NPY5R: variants seen among roughly 807,000 people sequenced by gnomAD.
NPY5R encodes neuropeptide Y receptor type 5.
NPY5R carries 21 observed loss-of-function variants against 24.8 expected under a neutral mutation model. That is an observed-to-expected ratio of 0.85 (90% CI 0.60 to 1.22). The LOEUF (loss-of-function observed/expected upper bound fraction) is 1.22, where lower values mean the gene tolerates loss of function less well. Ranked by LOEUF, NPY5R falls within the 50% of genes most tolerant of loss-of-function variation. The pLI, the probability that NPY5R is intolerant of heterozygous loss-of-function variation, is 0.00. For synonymous variants in NPY5R, 175 were observed against 183.0 expected, an observed-to-expected ratio of 0.96 and a Z score of 0.35; for missense variants, 481 against 521.3, an observed-to-expected ratio of 0.92 and a Z score of 0.75.
At chr4:163,345,022 C>T (rs1306031392) in intron 1 of NPY5R, 1 of 152,154 alleles carries the variant, frequency 6.6e-6, no homozygotes, top group African/African-American at 2.4e-5. Flanking sequence ...GCTGCTGTTC[C>T]ACGATCACAG....
rs1376821645 is a variant in NPY5R, at chr4:163,350,408, TG to T, written c.138del (p.Leu47SerfsTer5). The part of the protein sequence containing the change: ...SVDDLQYFLI[G>X]LYTFVSLLGF... ...TAGATGACTTACAGTATTTTCTGAT[TG>T]GGCTCTATACATTTGTAAGTCTTCT... On this transcript the variant is annotated frameshift_variant, in exon 4 of 4. Coordinates refer to ENST00000338566, the MANE Select transcript of NPY5R (RefSeq NM_006174.4). LOFTEE classifies it high-confidence loss of function. The T allele has an allele frequency of 6.2e-7, 1 of 1,614,000 alleles. No individual in the cohort carries two copies. The highest frequency in any genetic ancestry group is 1.7e-5 in the Admixed American group (1 of 60,022).
intron 3 of NPY5R, among the ~76,000 whole-genome samples, chr4:163,348,056 A>G (rs1735322891): frequency 6.6e-6 from 1 of 152,210 alleles, no homozygotes; most frequent in South Asian, 2.1e-4. Context: ...ACACAATAGT[A>G]TTTGCCATTT....
intron 2 of NPY5R, among the ~76,000 whole-genome samples, chr4:163,346,901 ATCTT>A (rs1735277342): frequency 6.6e-6 from 1 of 152,186 alleles, no homozygotes; most frequent in Non-Finnish European, 1.5e-5. Context: ...GTGCTAAACT[ATCTT>A]TATTGTCTGT....
Position 163,350,971 on chromosome 4 carries a change from G to A in NPY5R, c.698G>A (p.Ser233Asn), listed in dbSNP as rs775477312. The change falls in exon 4 of 4, where the codon AGT (serine) becomes AAT (asparagine). Residue 233 changes from serine (S) to asparagine (N), a missense_variant. By Grantham distance (46) the Ser-to-Asn change is conservative. Transcript: ENST00000338566. ...GTTTGTCTTACTGTAAGTCATACAA[G>A]TGTCTGCAGAAGTATAAGCTGTGGA... ...PLVCLTVSHT[S>N]VCRSISCGLS... The A allele has an allele frequency of 1.2e-6, 2 of 1,613,898 alleles. No individual in the cohort carries two copies. The highest frequency in any genetic ancestry group is 1.7e-5 in the Admixed American group (1 of 60,022).
At position 163,351,052 on chromosome 4, in the gene NPY5R, A is replaced by AT; in HGVS notation, c.780dup (p.Pro261SerfsTer16). Reference sequence around the variant, plus strand: ...AATGAGATGATCAACTTAACTCTTCATCCATCCAAAAAGAGTGGGCCTCAG... The same window carrying AT: ...AATGAGATGATCAACTTAACTCTTCATTCCATCCAAAAAGAGTGGGCCTCAG... On this transcript the variant is annotated frameshift_variant, in exon 4 of 4. Coordinates refer to ENST00000338566, the MANE Select transcript of NPY5R (RefSeq NM_006174.4). LOFTEE classifies it high-confidence loss of function. The AT allele has an allele frequency of 1.2e-6, 2 of 1,614,034 alleles. No homozygotes were observed. The highest frequency in any genetic ancestry group is 1.7e-6 in the Non-Finnish European group (2 of 1,179,888).
chr4:163,350,537 C>T lies in NPY5R; in HGVS notation c.264C>T (p.Ile88=), dbSNP rs779770681. The T allele has an allele frequency of 8.7e-6, 14 of 1,614,060 alleles. No individual in the cohort carries two copies. The highest frequency in any genetic ancestry group is 8.5e-7 in the Non-Finnish European group (1 of 1,180,036). ...TAGGCAATCTGGCCTTTTCTGATAT[C>T]TTGGTTGTGCTGTTTTGCTCACCTT... The part of the protein sequence containing the change: ...FLIGNLAFSD[I]LVVLFCSPFT... The change falls in exon 4 of 4, where the codon ATC becomes ATT. Residue 88 remains isoleucine (I), a synonymous_variant. Transcript: ENST00000338566.
intron 3 of NPY5R, among the ~76,000 whole-genome samples, chr4:163,348,571 G>A (rs758333998): frequency 2.0e-5 from 3 of 151,804 alleles, no homozygotes; most frequent in African/African-American, 4.8e-5. Flanking sequence ...CTTGAGTCCA[G>A]GCGTTCAAGG....
In NPY5R at chr4:163,351,003, A is replaced by G; in HGVS notation, c.730A>G (p.Asn244Asp). The G allele has an allele frequency of 6.2e-7, 1 of 1,614,132 alleles. No homozygotes were observed. Among genetic ancestry groups the G allele is most frequent in the Non-Finnish European group, 8.5e-7 (1 of 1,180,030 alleles). Residue 244 changes from asparagine to aspartate, a missense_variant, in exon 4 of 4, where the codon AAC becomes GAC. By Grantham distance (23) the Asn-to-Asp change is conservative. Transcript: ENST00000338566. ...VCRSISCGLS[N>D]KENRLEENEM... ...CAGAAGTATAAGCTGTGGATTGTCC[A>G]ACAAAGAAAACAGACTTGAAGAAAA...
At chr4:163,346,356 T>C (rs1008281291) in intron 2 of NPY5R, among the ~76,000 whole-genome samples, 9 of 152,200 alleles carry the variant, frequency 5.9e-5, no homozygotes, top group Non-Finnish European at 8.8e-5. Flanking sequence ...ATCTCAGCAA[T>C]CTACAGTTAC....
In NPY5R at chr4:163,350,488, A is replaced by C. The variant is rs1735445221; in HGVS notation, c.215A>C (p.Gln72Pro). Residue 72 changes from glutamine (Q) to proline (P), a missense_variant, in exon 4 of 4, where the codon CAG becomes CCG. Coordinates refer to ENST00000338566, the MANE Select transcript of NPY5R (RefSeq NM_006174.4). ...ATGGCTCTCATGAAAAAGCGTAATC[A>C]GAAGACTACGGTAAACTTCCTCATA... ...ILMALMKKRN[Q>P]KTTVNFLIGN... 2 of 1,614,170 alleles carry C rather than the reference A, an allele frequency of 1.2e-6. No homozygotes were observed. Among genetic ancestry groups the C allele is most frequent in the Non-Finnish European group, 1.7e-6 (2 of 1,180,002 alleles).
intron 3 of NPY5R, 67 bp from the exon 4 acceptor site, chr4:163,350,198 A>T (rs1375569640): frequency 3.0e-5 from 35 of 1,147,798 alleles, no homozygotes; most frequent in Non-Finnish European, 4.3e-5. Flanking sequence ...CCCTCTGAAT[A>T]GATTAATTTA....
intron 1 of NPY5R, chr4:163,344,933 A>G (rs1735163139): frequency 6.6e-6 from 1 of 152,204 alleles, no homozygotes; most frequent in African/African-American, 2.4e-5. Flanking sequence ...GCAGAGCTGT[A>G]TTTATCTTTC....
rs1275415009 is a variant in NPY5R at position 163,351,863 on chromosome 4, T to C, written c.*252T>C. The C allele has an allele frequency of 3.5e-6, 1 of 285,488 alleles. No individual in the cohort carries two copies. The highest frequency in any genetic ancestry group is 6.9e-6 in the Non-Finnish European group (1 of 145,748). 17.7% of individuals were successfully genotyped at this position (285,488 alleles called of 1,614,324 possible). ...TTTCACTTTAGAAGGTTGTATTACC[T>C]TCCACTTCCATGTTGTCTTATAAAC... On this transcript the variant is annotated 3_prime_UTR_variant, in exon 4 of 4. Transcript: ENST00000338566.
intron 3 of NPY5R, among the ~76,000 whole-genome samples, chr4:163,347,858 T>C (rs181284833): frequency 1.3e-5 from 2 of 152,348 alleles, no homozygotes; most frequent in African/African-American, 2.4e-5. Flanking sequence ...ATCCTAAGTC[T>C]TTGAATTAAC....
chr4:163,345,560 G>A (rs1735196669), intron 1 of NPY5R, 154 bp from the exon 2 acceptor site: 1 of 152,056 alleles, frequency 6.6e-6, no homozygotes, highest in African/African-American at 2.4e-5. Flanking sequence ...AATATTCCAT[G>A]TTAAAATATT....
chr4:163,350,701 T>G lies in NPY5R; in HGVS notation c.428T>G (p.Ile143Arg), dbSNP rs752411470. Residue 143 changes from isoleucine (I) to arginine (R), a missense_variant, in exon 4 of 4, where the codon ATA (isoleucine) becomes AGA (arginine). Ile to Arg is a moderately conservative substitution (Grantham distance 97). Transcript: ENST00000338566. ...ISIAIVRYHM[I>R]KHPISNNLTA... ...ATTGCCATTGTCAGGTATCATATGA[T>G]AAAACATCCCATATCTAATAATTTA... 6.2e-7 allele frequency: 1 copy of G among 1,613,886 alleles called. No individual in the cohort carries two copies. The highest frequency in any genetic ancestry group is 1.1e-5 in the South Asian group (1 of 91,082).
At chr4:163,348,909 A>G (rs1735365060) in intron 3 of NPY5R, among the ~76,000 whole-genome samples, 1 of 152,200 alleles carries the variant, frequency 6.6e-6, no homozygotes, top group Admixed American at 6.5e-5. Context: ...TTCCTTGAAC[A>G]ATGAATTCAT....
chr4:163,351,119 CA>C lies in NPY5R; in HGVS notation c.852del (p.Lys284AsnfsTer36). 3.1e-6 allele frequency: 5 copies of C among 1,614,002 alleles called. No individual in the cohort carries two copies. Among genetic ancestry groups the C allele is most frequent in the East Asian group, 2.2e-5 (1 of 44,870 alleles). On this transcript the variant is annotated frameshift_variant, in exon 4 of 4. Coordinates refer to ENST00000338566, the MANE Select transcript of NPY5R (RefSeq NM_006174.4). LOFTEE classifies it high-confidence loss of function. Reference protein sequence around the residue: ...GSHKWSYSFIKKHRRRYSKKT... With the variant: ...GSHKWSYSFIXKHRRRYSKKT... ...GCCATAAATGGAGTTATTCATTCAT[CA>C]AAAAACACAGAAGAAGATATAGCAA...
At position 163,351,453 on chromosome 4, in the gene NPY5R, A is replaced by G; in HGVS notation, c.1180A>G (p.Asn394Asp). Residue 394 changes from asparagine to aspartate, a missense_variant, in exon 4 of 4, where the codon AAT becomes GAT. Physicochemically the swap from Asn to Asp is conservative, Grantham distance 23. Transcript: ENST00000338566. ...LHLFHVVTDF[N>D]DNLISNRHFK... is the part of the protein sequence containing the mutation. The stretch of plus-strand genomic sequence containing the variant: ...CCTTTTCCATGTGGTAACTGATTTT[A>G]ATGACAATCTTATTTCAAATAGGCA... 2 of 1,613,914 alleles carry G rather than the reference A, an allele frequency of 1.2e-6. No individual in the cohort carries two copies. The highest frequency in any genetic ancestry group is 1.7e-6 in the Non-Finnish European group (2 of 1,179,878).
Sources: allele counts gnomAD v4.1 joint callset (sites outside exome capture counted in the v4.1 genomes callset), GRCh38; gene constraint gnomAD v4.1.1; transcripts MANE v1.5; gene names NCBI Gene and HGNC (gene_info 2026-07-23, HGNC 2026-07-21).